The following RALGPS1 variants were observed in gnomAD, a reference collection of about 807,000 sequenced individuals.
The protein encoded by RALGPS1 is Ral GEF with PH domain and SH3 binding motif 1, also known as ras-specific guanine nucleotide-releasing factor RalGPS1.
A neutral mutation model predicts 78.8 loss-of-function variants in RALGPS1; 19 were observed. The ratio of observed to expected loss-of-function variants is 0.24; its 90% confidence interval spans 0.17 to 0.35. RALGPS1 has a LOEUF of 0.35. Among genes scored for constraint, RALGPS1 ranks in the 10% least tolerant of loss-of-function variants. RALGPS1 has a pLI of 1.00. For missense variants in RALGPS1, 454 were observed against 688.3 expected (o/e 0.66, Z 3.81); for synonymous variants, 228 against 256.3 (o/e 0.89, Z 1.06).
chr9:126,994,754 G>GA (rs1274717152), intron 4 of RALGPS1, among the ~76,000 whole-genome samples: 10 of 144,394 alleles, frequency 6.9e-5, no homozygotes, highest in Admixed American at 6.3e-4. Context: ...TGAAATGAAG[G>GA]AAAAAATGTT....
At position 127,183,236 on chromosome 9, in the gene RALGPS1, A is replaced by C. The variant is rs113683064; in HGVS notation, c.910+8454A>C. Among the ~76,000 whole-genome samples the C allele has an allele frequency of 2.9e-3, 444 of 152,328 alleles. 3 individuals carry two copies. Among genetic ancestry groups the C allele is most frequent in the African/African-American group, 9.9e-3 (413 of 41,578 alleles). ...CATTTGGAGGGGCAAACCATTTCAC[A>C]GGGCCTTCTAGCTGGCAGCCGATAT... is the stretch of plus-strand genomic sequence containing the variant. On this transcript the variant is annotated intron_variant, in intron 11 of 18. Transcript: ENST00000259351. This position sits in a 1 kb window ranked among gnomAD's most constrained non-coding sequence, Gnocchi z 4.0.
intron 3 of RALGPS1, among the ~76,000 whole-genome samples, chr9:126,972,343 G>T (rs1180939421): frequency 6.6e-6 from 1 of 152,172 alleles, no homozygotes; most frequent in African/African-American, 2.4e-5. Flanking sequence ...TCAAGCATTT[G>T]TCCTACCTTT....
intron 8 of RALGPS1, among the ~76,000 whole-genome samples, chr9:127,116,317 G>A (rs2055414579): frequency 2.0e-5 from 3 of 152,024 alleles, no homozygotes; most frequent in African/African-American, 7.2e-5. Flanking sequence ...GAGATCATAG[G>A]GTAGAGGGGG....
rs575817683 is a variant in RALGPS1 at position 127,039,056 on chromosome 9, AT to A, written c.300+4545del. ...TGAAGTATGCAGGAGGTCATTGGAT[AT>A]TTGAGTCCGGAAGTTGGGGAAAGGT... is the stretch of plus-strand genomic sequence containing the variant. On this transcript the variant is annotated intron_variant, in intron 5 of 18. Coordinates refer to ENST00000259351, the MANE Select transcript of RALGPS1 (RefSeq NM_014636.3). Among the ~76,000 whole-genome samples the A allele has an allele frequency of 4.6e-5, 7 of 152,258 alleles. No individual in the cohort carries two copies. In the South Asian group the frequency reaches 1.2e-3, roughly 27 times the overall value.
intron 1 of RALGPS1, among the ~76,000 whole-genome samples, chr9:126,945,778 G>C (rs114182431): frequency 6.6e-6 from 1 of 152,136 alleles, no homozygotes; most frequent in Non-Finnish European, 1.5e-5. Flanking sequence ...TTATACCATG[G>C]ACTGAATTCT....
chr9:127,212,910 C>T lies in RALGPS1; in HGVS notation c.1447-34C>T. On this transcript the variant is annotated intron_variant, in intron 16 of 18. Coordinates refer to ENST00000259351, the MANE Select transcript of RALGPS1 (RefSeq NM_014636.3). This position sits in a 1 kb window ranked among gnomAD's most constrained non-coding sequence, Gnocchi z 6.0. ...TCCCTTGTGGAGTGGAGGGCTGGGC[C>T]CCGGTCTCCGGATGTGTTGTTGCTC... 1.9e-6 allele frequency: 3 copies of T among 1,613,746 alleles called. No homozygotes were observed. Among genetic ancestry groups the T allele is most frequent in the Non-Finnish European group, 2.5e-6 (3 of 1,179,842 alleles).
At chr9:127,080,807 G>A (rs953117589) in intron 8 of RALGPS1, among the ~76,000 whole-genome samples, 2 of 152,180 alleles carry the variant, frequency 1.3e-5, no homozygotes, top group African/African-American at 4.8e-5. Context: ...GAGTCAACAT[G>A]ATGCTCAAAG....
chr9:127,045,730 TACACAC>T (rs60442898), intron 5 of RALGPS1, among the ~76,000 whole-genome samples: 8,106 of 141,386 alleles, frequency 0.057, 502 homozygotes, highest in African/African-American at 0.15. Context: ...CATGGGTTAG[TACACAC>T]ACACACACAC....
intron 5 of RALGPS1, among the ~76,000 whole-genome samples, chr9:127,041,202 C>T (rs1278426187): frequency 6.6e-6 from 1 of 152,086 alleles, no homozygotes; most frequent in East Asian, 1.9e-4. Context: ...AGCGATTCTC[C>T]TACCTCAGCT....
intron 1 of RALGPS1, among the ~76,000 whole-genome samples, chr9:126,944,604 G>A (rs2037089327): frequency 6.6e-6 from 1 of 151,964 alleles, no homozygotes; most frequent in African/African-American, 2.4e-5. Flanking sequence ...GGGTGGGATA[G>A]GATATGAGAA....
Position 126,965,879 on chromosome 9 carries a change from C to A in RALGPS1, c.93C>A (p.Ser31Arg). 6.2e-7 allele frequency: 1 copy of A among 1,614,164 alleles called. No homozygotes were observed. Among genetic ancestry groups the A allele is most frequent in the Non-Finnish European group, 8.5e-7 (1 of 1,180,006 alleles). The change falls in exon 3 of 19, where the codon AGC becomes AGA. Residue 31 changes from serine to arginine, a missense_variant. Transcript: ENST00000259351. ...SSSSDSLEGQSCDYASKSYDA... is the reference protein window; with the variant it reads ...SSSSDSLEGQRCDYASKSYDA... ...GCTCGGACTCTCTGGAGGGCCAGAG[C>A]TGCGACTATGCCAGCAAGAGCTATG...
chr9:127,136,541 CCT>C lies in RALGPS1; in HGVS notation c.611-29523_611-29522del, dbSNP rs80154378. Among the ~76,000 whole-genome samples, 37 of 151,994 alleles carry C rather than the reference CCT, an allele frequency of 2.4e-4. No individual in the cohort carries two copies. The East Asian group carries it at 7.2e-3, about 30-fold the overall frequency. ...TGTGTGCCTTGGGAGAGCTCTTCAG[CCT>C]CTCTGAGCCTCCCTGTCCAGGTCTA... On this transcript the variant is annotated intron_variant, in intron 8 of 18. Coordinates refer to ENST00000259351, the MANE Select transcript of RALGPS1 (RefSeq NM_014636.3).
intron 1 of RALGPS1, among the ~76,000 whole-genome samples, chr9:126,958,126 T>TAAAAAAAA (rs11290290): frequency 4.1e-4 from 32 of 77,532 alleles, no homozygotes; most frequent in South Asian, 2.1e-3. Flanking sequence ...GCTGTCTCTT[T>TAAAAAAAA]AAAAAAAAAA....
At chr9:126,925,068 G>A (rs921916611) in intron 1 of RALGPS1, among the ~76,000 whole-genome samples, 1 of 151,316 alleles carries the variant, frequency 6.6e-6, no homozygotes, top group Non-Finnish European at 1.5e-5. Flanking sequence ...TGGAGGTTGC[G>A]GTGAGCCGAG....
intron 8 of RALGPS1, among the ~76,000 whole-genome samples, chr9:127,071,896 A>G (rs2135922782): frequency 6.6e-6 from 1 of 152,324 alleles, no homozygotes; most frequent in East Asian, 1.9e-4. Context: ...GCAAACCATC[A>G]CCATGATCAG....
intron 3 of RALGPS1, among the ~76,000 whole-genome samples, chr9:126,970,051 C>A (rs899335925): frequency 6.6e-6 from 1 of 152,116 alleles, no homozygotes; most frequent in African/African-American, 2.4e-5. Context: ...GACATGAAAA[C>A]CCAGTGAAAG....
At chr9:127,038,766 G>T (rs373982513) in intron 5 of RALGPS1, among the ~76,000 whole-genome samples, 3 of 152,216 alleles carry the variant, frequency 2.0e-5, no homozygotes, top group African/African-American at 7.2e-5. Flanking sequence ...CAGAGGAAAG[G>T]CATGTGCAGG....
At chr9:127,062,441 A>G (rs1167126459) in intron 7 of RALGPS1, among the ~76,000 whole-genome samples, 1 of 152,230 alleles carries the variant, frequency 6.6e-6, no homozygotes, top group Non-Finnish European at 1.5e-5. Flanking sequence ...TCATACAAAT[A>G]TAAGATGAAT....
chr9:127,166,318 T>C, intron 9 of RALGPS1, 112 bp downstream of exon 9: 1 of 1,319,904 alleles, frequency 7.6e-7, no homozygotes, highest in Non-Finnish European at 1.1e-6. Flanking sequence ...CTCATTTTAA[T>C]ATATCGAGCA....
Sources: gnomAD v4.1 joint callset for allele counts (sites outside exome capture counted in the v4.1 genomes callset) on GRCh38, gnomAD v4.1.1 for gene constraint, Gnocchi (gnomAD v3.1) non-coding constraint, MANE v1.5 for transcripts, NCBI Gene and HGNC (gene_info 2026-07-23, HGNC 2026-07-21) for gene names.